Variants in PKN2 observed in about 807,000 individuals in gnomAD.
PKN2 encodes protein kinase N2, also known as serine/threonine-protein kinase N2.
Under a neutral mutation model 119.1 loss-of-function variants are expected in PKN2, and 38 were observed. The observed-to-expected ratio is 0.32, with a 90% confidence interval of 0.25 to 0.42. The LOEUF is 0.42. Ranked by LOEUF, PKN2 falls within the 10% of genes least tolerant of loss-of-function variation. The pLI, the probability that PKN2 is intolerant of heterozygous loss-of-function variation, is 1.00. For missense variants in PKN2, 850 were observed against 1,165.1 expected, an observed-to-expected ratio of 0.73 and a Z score of 3.94; for synonymous variants, 390 against 384.9, an observed-to-expected ratio of 1.01 and a Z score of -0.15.
intron 2 of PKN2, among the ~76,000 whole-genome samples, chr1:88,747,133 G>A (rs1668801768): frequency 6.6e-6 from 1 of 152,112 alleles, no homozygotes; most frequent in Non-Finnish European, 1.5e-5. Context: ...GAAAGAGGAA[G>A]TTGTTGGTCA....
chr1:88,716,852 C>T (rs972874333), intron 1 of PKN2, among the ~76,000 whole-genome samples: 1 of 152,002 alleles, frequency 6.6e-6, no homozygotes, highest in African/African-American at 2.4e-5. Context: ...GTTAGCTGGT[C>T]ATTTTGCTCA....
chr1:88,792,559 A>G (rs1310456975), intron 8 of PKN2, among the ~76,000 whole-genome samples: 2 of 152,202 alleles, frequency 1.3e-5, no homozygotes, highest in Non-Finnish European at 2.9e-5. Flanking sequence ...GAAAATCCAC[A>G]TAACACTTTT....
At chr1:88,760,680 A>G (rs949691567) in intron 3 of PKN2, among the ~76,000 whole-genome samples, 4 of 152,014 alleles carry the variant, frequency 2.6e-5, no homozygotes, top group African/African-American at 9.7e-5. Context: ...TTAATTGGTA[A>G]TTTCACTGTT....
chr1:88,793,153 T>C (rs1038612192), intron 8 of PKN2, among the ~76,000 whole-genome samples: 5 of 152,192 alleles, frequency 3.3e-5, no homozygotes, highest in Admixed American at 6.5e-5. Flanking sequence ...TGCATCTTGA[T>C]GTTTGTTTAT....
At chr1:88,805,694 A>T in intron 11 of PKN2, 23 bp downstream of exon 11, 1 of 1,612,068 alleles carries the variant, frequency 6.2e-7, no homozygotes, top group Non-Finnish European at 8.5e-7. Flanking sequence ...GATTTTAAGC[A>T]TCTCTTATAC....
chr1:88,829,152 A>T (rs1672628683), intron 19 of PKN2: 1 of 739,800 alleles, frequency 1.4e-6, no homozygotes, highest in African/African-American at 1.7e-5. Context: ...CCCTGATGCC[A>T]TGTATGTCAA....
rs1672912275 is a variant in PKN2 at position 88,835,581 on chromosome 1, T to A, written c.*2133T>A. On this transcript the variant is annotated 3_prime_UTR_variant, in exon 22 of 22. Coordinates refer to ENST00000370521, the MANE Select transcript of PKN2 (RefSeq NM_006256.4). ...AAATATATATATATTTTAGTCAGAT[T>A]TAAAATTTTAAGCTTTATAGAGTGT... is the stretch of plus-strand genomic sequence containing the variant. The A allele has an allele frequency of 6.6e-6, 1 of 152,414 alleles. No individual in the cohort carries two copies. Among genetic ancestry groups the A allele is most frequent in the Non-Finnish European group, 1.5e-5 (1 of 67,918 alleles). 9.4% of individuals were successfully genotyped at this position (152,414 alleles called of 1,614,324 possible).
intron 1 of PKN2, among the ~76,000 whole-genome samples, chr1:88,723,717 A>G (rs1171570738): frequency 6.6e-6 from 1 of 152,072 alleles, no homozygotes; most frequent in Non-Finnish European, 1.5e-5. Context: ...TTATGTTTTC[A>G]TTTCAATGTA....
At chr1:88,718,818 C>G (rs779830707) in intron 1 of PKN2, among the ~76,000 whole-genome samples, 10 of 152,084 alleles carry the variant, frequency 6.6e-5, no homozygotes, top group Non-Finnish European at 1.3e-4. Context: ...GTTTTTGTAT[C>G]ATTTCTTCCC....
chr1:88,717,819 T>TC (rs1208441430), intron 1 of PKN2, among the ~76,000 whole-genome samples: 3 of 152,118 alleles, frequency 2.0e-5, no homozygotes, highest in African/African-American at 7.2e-5. Context: ...TCATTCTCCA[T>TC]CCATCTTTGT....
chr1:88,803,530 C>T (rs183841028), intron 8 of PKN2, among the ~76,000 whole-genome samples: 8 of 152,154 alleles, frequency 5.3e-5, no homozygotes, highest in East Asian at 1.9e-4. Context: ...AATGTATATA[C>T]GTTAAAACAT....
At chr1:88,693,145 T>C (rs545368137) in intron 1 of PKN2, among the ~76,000 whole-genome samples, 18 of 152,208 alleles carry the variant, frequency 1.2e-4, no homozygotes, top group Non-Finnish European at 2.2e-4. Flanking sequence ...TACCTCTCTG[T>C]TGCAAACTAC....
At chr1:88,723,737 C>T (rs1394238903) in intron 1 of PKN2, among the ~76,000 whole-genome samples, 1 of 152,128 alleles carries the variant, frequency 6.6e-6, no homozygotes, top group African/African-American at 2.4e-5. Context: ...ACTTTTGCCT[C>T]ATTTCAGGTG....
chr1:88,751,741 A>G (rs1480341768), intron 2 of PKN2, among the ~76,000 whole-genome samples: 4 of 152,098 alleles, frequency 2.6e-5, no homozygotes, highest in African/African-American at 9.7e-5. Context: ...CTATTTCTTC[A>G]TGCTTCTCAG....
In PKN2 at chr1:88,835,021, T is replaced by C. The variant is rs758439570; in HGVS notation, c.*1573T>C. 2.0e-5 allele frequency: 3 copies of C among 152,504 alleles called. No individual in the cohort carries two copies. The allele number at this position is 152,504 out of a possible 1,614,324, so 9.4% of individuals were successfully genotyped here. On this transcript the variant is annotated 3_prime_UTR_variant, in exon 22 of 22. Transcript: ENST00000370521. ...AAAAATTGTTCAGGTGTAAATCTTA[T>C]GAGAAACATGAAAAAGCACACTGAT...
chr1:88,715,586 TTGTATTTCTGTGGGATCGGTGGTGATACC>T (rs1376559888), intron 1 of PKN2, among the ~76,000 whole-genome samples: 2 of 152,218 alleles, frequency 1.3e-5, no homozygotes, highest in African/African-American at 4.8e-5. Context: ...TGATGGTAGT[TTGTATTTCTGTGGGATCGGTGGTGATACC>T]TGTATTTCTG....
chr1:88,734,210 G>A lies in PKN2; in HGVS notation c.49-6778G>A, dbSNP rs12754058. 5.4e-3 allele frequency among the ~76,000 whole-genome samples: 825 copies of A among 151,760 alleles called. 5 individuals carry two copies. Among genetic ancestry groups the A allele is most frequent in the Non-Finnish European group, 8.7e-3 (591 of 67,932 alleles). On this transcript the variant is annotated intron_variant, in intron 1 of 21. Coordinates refer to ENST00000370521, the MANE Select transcript of PKN2 (RefSeq NM_006256.4). The stretch of plus-strand genomic sequence containing the variant: ...CGTTTTAGAGTTTTGGATTTAGAAT[G>A]CTCAAACTGTTTTTGCTTTTGTTGC...
chr1:88,746,890 G>A (rs918250169), intron 2 of PKN2, among the ~76,000 whole-genome samples: 2 of 152,084 alleles, frequency 1.3e-5, no homozygotes, highest in Middle Eastern at 3.2e-3. Context: ...TTAAAACATG[G>A]TATATAAACA....
At chr1:88,789,152 A>G (rs987439263) in intron 8 of PKN2, among the ~76,000 whole-genome samples, 20 of 152,334 alleles carry the variant, frequency 1.3e-4, no homozygotes, top group Non-Finnish European at 2.2e-4. Context: ...AGAAGCAGTT[A>G]GGACAAGTAA....
Sources: gnomAD v4.1 joint callset for allele counts (sites outside exome capture counted in the v4.1 genomes callset) on GRCh38, gnomAD v4.1.1 for gene constraint, MANE v1.5 for transcripts, NCBI Gene and HGNC (gene_info 2026-07-23, HGNC 2026-07-21) for gene names.